Variants in SHROOM4 observed in about 807,000 individuals in gnomAD.
SHROOM4 encodes shroom family member 4.
A neutral mutation model predicts 80.3 loss-of-function variants in SHROOM4; 17 were observed. That is an observed-to-expected ratio of 0.21 (90% CI 0.14 to 0.32). SHROOM4 has a LOEUF of 0.32. Among genes scored for constraint, SHROOM4 ranks in the 10% least tolerant of loss-of-function variants. The pLI is 1.00. For synonymous variants in SHROOM4, 400 were observed against 437.5 expected, an observed-to-expected ratio of 0.91 and a Z score of 1.07; for missense variants, 993 against 1,140.3, an observed-to-expected ratio of 0.87 and a Z score of 1.86.
At chrX:50,698,583 C>A (rs1933436662) in intron 1 of SHROOM4, among the ~76,000 whole-genome samples, 1 of 111,109 alleles carries the variant, frequency 9.0e-6, no homozygotes, top group African/African-American at 3.3e-5. Context: ...CTGAGCTGTG[C>A]AATGGACTCT....
intron 1 of SHROOM4, among the ~76,000 whole-genome samples, chrX:50,716,313 T>C (rs1557264826): frequency 9.0e-6 from 1 of 111,238 alleles, no homozygotes; most frequent in Admixed American, 9.6e-5. Flanking sequence ...GTTAGAACAA[T>C]GTATCATATT....
At chrX:50,605,297 A>G (rs970477432) in intron 6 of SHROOM4, among the ~76,000 whole-genome samples, 2 of 112,150 alleles carry the variant, frequency 1.8e-5, no homozygotes, top group Admixed American at 9.4e-5. Flanking sequence ...ATCAATCATT[A>G]CCCAAAGTGC....
In SHROOM4 at chrX:50,756,939, T is replaced by TA. The variant is rs1935051288; in HGVS notation, c.117+56962dup. ...TATAGTCTCTCAGTCTTTGAGGTGTTATTTCACTTTCTGGATGGTATCTTT... is the reference window on the plus strand; with the variant it reads ...TATAGTCTCTCAGTCTTTGAGGTGTTAATTTCACTTTCTGGATGGTATCTTT... On this transcript the variant is annotated intron_variant, in intron 1 of 8. Coordinates refer to ENST00000376020, the MANE Select transcript of SHROOM4 (RefSeq NM_020717.5). Among the ~76,000 whole-genome samples, 3 of 111,992 alleles carry TA rather than the reference T, an allele frequency of 2.7e-5. No individual in the cohort carries two copies. In the Admixed American group the frequency reaches 2.8e-4, roughly 11 times the overall value.
chrX:50,676,015 T>C (rs1932850123), intron 2 of SHROOM4, among the ~76,000 whole-genome samples: 1 of 111,803 alleles, frequency 8.9e-6, no homozygotes, highest in Non-Finnish European at 1.9e-5. Context: ...TCTTTGGTGA[T>C]TTATTACTGA....
In SHROOM4 at chrX:50,633,336, G is replaced by C; in HGVS notation, c.2737C>G (p.Leu913Val). The C allele has an allele frequency of 1.7e-6, 2 of 1,211,329 alleles. No homozygotes were observed. Among genetic ancestry groups the C allele is most frequent in the Non-Finnish European group, 2.2e-6 (2 of 895,358 alleles). ...YCSGEICPAL[L>V]KRNMMPNCYN... Reference sequence around the variant, plus strand: ...CAATTTGGCATCATATTTCTCTTTAGCAAGGCAGGGCAGATTTCCCCAGAA... The same window carrying C: ...CAATTTGGCATCATATTTCTCTTTACCAAGGCAGGGCAGATTTCCCCAGAA... The change falls in exon 4 of 9, where the codon CTA becomes GTA. Residue 913 changes from leucine (L) to valine (V), a missense_variant. Coordinates refer to ENST00000376020, the MANE Select transcript of SHROOM4 (RefSeq NM_020717.5).
Position 50,635,024 on chromosome X carries a change from G to C in SHROOM4, c.1049C>G (p.Ser350Cys), listed in dbSNP as rs1557255562. Residue 350 changes from serine (S) to cysteine (C), a missense_variant, in exon 4 of 9, where the codon TCC (serine) becomes TGC (cysteine). Ser to Cys is a moderately radical substitution (Grantham distance 112). Coordinates refer to ENST00000376020, the MANE Select transcript of SHROOM4 (RefSeq NM_020717.5). The part of the protein sequence containing the change: ...QNCEFSQPPE[S>C]SQQGSEHLLM... ...TAGATGCTCAGAGCCCTGTTGGCTG[G>C]ATTCAGGAGGCTGACTGAACTCACA... 2 of 1,212,246 alleles carry C rather than the reference G, an allele frequency of 1.6e-6. No individual in the cohort carries two copies. Among genetic ancestry groups the C allele is most frequent in the Admixed American group, 4.3e-5 (2 of 46,133 alleles).
At chrX:50,758,176 TATA>T (rs1397674847) in intron 1 of SHROOM4, among the ~76,000 whole-genome samples, 3 of 111,944 alleles carry the variant, frequency 2.7e-5, no homozygotes, top group Non-Finnish European at 5.6e-5. Context: ...CTGTATAAAA[TATA>T]ATATTATCTA....
chrX:50,664,751 A>G (rs1438389074), intron 2 of SHROOM4, among the ~76,000 whole-genome samples: 3 of 112,096 alleles, frequency 2.7e-5, no homozygotes, highest in Non-Finnish European at 5.6e-5. Flanking sequence ...TCCCTATTAA[A>G]GATGCCTGAA....
In SHROOM4 at chrX:50,596,383, T is replaced by C. The variant is rs1486639260; in HGVS notation, c.*312A>G. The stretch of plus-strand genomic sequence containing the variant: ...GTACTTGATGTCTTTGGTGTCCTAG[T>C]ACAAAGCAGAATGAAGGCACTTCCT... On this transcript the variant is annotated 3_prime_UTR_variant, in exon 9 of 9. Transcript: ENST00000376020. 4.6e-6 allele frequency: 2 copies of C among 438,324 alleles called. No individual in the cohort carries two copies. The highest frequency in any genetic ancestry group is 8.4e-6 in the Non-Finnish European group (2 of 238,984). The allele number at this position is 438,324 out of a possible 1,213,427, so 36.1% of individuals were successfully genotyped here. A position where few individuals can be genotyped will look rare whatever the true frequency, so the allele number is the denominator to read the frequency against.
At chrX:50,662,571 G>A (rs188250115) in intron 2 of SHROOM4, among the ~76,000 whole-genome samples, 9 of 111,573 alleles carry the variant, frequency 8.1e-5, no homozygotes, top group Non-Finnish European at 1.7e-4. Context: ...GCCCAAAGCT[G>A]CAATGATGAA....
At chrX:50,791,148 C>G (rs1433444264) in intron 1 of SHROOM4, among the ~76,000 whole-genome samples, 1 of 110,747 alleles carries the variant, frequency 9.0e-6, no homozygotes, top group African/African-American at 3.3e-5. Context: ...CAAAAATCAA[C>G]AGTGTTTCTA....
chrX:50,810,194 T>C (rs895628763), intron 1 of SHROOM4, among the ~76,000 whole-genome samples: 4 of 110,809 alleles, frequency 3.6e-5, no homozygotes, highest in Non-Finnish European at 7.5e-5. Flanking sequence ...CGGGGGGTAC[T>C]ATACAAGTGT....
At chrX:50,683,178 G>A (rs1406109532) in intron 2 of SHROOM4, among the ~76,000 whole-genome samples, 1 of 111,295 alleles carries the variant, frequency 9.0e-6, no homozygotes, top group Non-Finnish European at 1.9e-5. Context: ...ATATATATGT[G>A]TGTGTGCATA....
chrX:50,729,058 T>C lies in SHROOM4; in HGVS notation c.118-33121A>G, dbSNP rs782762021. ...TTACTTAAAGCTGCTACACATATCA[T>C]TGATGTGGAAAAGAGATCACATATT... On this transcript the variant is annotated intron_variant, in intron 1 of 8. Transcript: ENST00000376020. Among the ~76,000 whole-genome samples the C allele has an allele frequency of 6.3e-5, 7 of 111,642 alleles. No homozygotes were observed. The East Asian group carries it at 1.4e-3, about 22-fold the overall frequency.
chrX:50,663,815 A>G (rs1237439973), intron 2 of SHROOM4, among the ~76,000 whole-genome samples: 1 of 111,206 alleles, frequency 9.0e-6, no homozygotes, highest in Non-Finnish European at 1.9e-5. Context: ...TTTGATAACC[A>G]CGTACTTCCC....
At chrX:50,601,836 G>T (rs1557247693) in intron 7 of SHROOM4, among the ~76,000 whole-genome samples, 1 of 111,713 alleles carries the variant, frequency 9.0e-6, no homozygotes, top group East Asian at 2.8e-4. Context: ...GTTGCACAAA[G>T]AATAAAAATC....
rs186571820 is a variant in SHROOM4 at position 50,686,277 on chromosome X, C to T, written c.269+9509G>A. Among the ~76,000 whole-genome samples, 414 of 110,632 alleles carry T rather than the reference C, an allele frequency of 3.7e-3. 2 individuals are homozygous for T. The highest frequency in any genetic ancestry group is 0.013 in the African/African-American group (382 of 30,422). On this transcript the variant is annotated intron_variant, in intron 2 of 8. Transcript: ENST00000376020. Reference sequence around the variant, plus strand: ...GTCGCGATCTCCTGATCTCGTGATCCGCCCGCCTCGGCCTCCCAAAGTGCT... The same window carrying T: ...GTCGCGATCTCCTGATCTCGTGATCTGCCCGCCTCGGCCTCCCAAAGTGCT...
chrX:50,678,530 C>T (rs1932884482), intron 2 of SHROOM4, among the ~76,000 whole-genome samples: 1 of 111,190 alleles, frequency 9.0e-6, no homozygotes, highest in Admixed American at 9.6e-5. Flanking sequence ...TCTTCCTATA[C>T]ATTGGGCAGT....
chrX:50,668,848 T>G (rs181795593), intron 2 of SHROOM4, among the ~76,000 whole-genome samples: 3 of 112,716 alleles, frequency 2.7e-5, no homozygotes, highest in Non-Finnish European at 3.8e-5. Flanking sequence ...AAAAACAAAA[T>G]GAATACAGGC....
Sources: gnomAD v4.1 joint callset for allele counts (sites outside exome capture counted in the v4.1 genomes callset) on GRCh38, gnomAD v4.1.1 for gene constraint, MANE v1.5 for transcripts, NCBI Gene and HGNC (gene_info 2026-07-23, HGNC 2026-07-21) for gene names.